Variants in DCDC2 observed in about 807,000 individuals in gnomAD.
The protein encoded by DCDC2 is doublecortin domain-containing protein 2.
Under a neutral mutation model 50.2 loss-of-function variants are expected in DCDC2, and 40 were observed. The ratio of observed to expected loss-of-function variants is 0.80; its 90% CI spans 0.62 to 1.04. The LOEUF (loss-of-function observed/expected upper bound fraction) is 1.04, where lower values mean the gene tolerates loss of function less well. Among genes scored for constraint, DCDC2 ranks in the 50% least tolerant of loss-of-function variants. The pLI is 0.00. For synonymous variants in DCDC2, 234 were observed against 210.6 expected (o/e 1.11, Z -0.96); for missense variants, 570 against 581.9 (o/e 0.98, Z 0.21).
rs1033895804 is a variant in DCDC2 at position 24,174,429 on chromosome 6, G to C, written c.*301C>G. Reference sequence around the variant, plus strand: ...AAACTTATAATAAAGCGTACAATAAGAGTGATCCTATTTTTCATCCTTTAC... The same window carrying C: ...AAACTTATAATAAAGCGTACAATAACAGTGATCCTATTTTTCATCCTTTAC... On this transcript the variant is annotated 3_prime_UTR_variant, in exon 10 of 10. Coordinates refer to ENST00000378454, the MANE Select transcript of DCDC2 (RefSeq NM_016356.5). 9 of 201,512 alleles carry C rather than the reference G, an allele frequency of 4.5e-5. No individual in the cohort carries two copies. The Admixed American group carries it at 4.5e-4, about 10-fold the overall frequency. 12.5% of individuals were successfully genotyped at this position (201,512 alleles called of 1,614,324 possible). A position where few individuals can be genotyped will look rare whatever the true frequency, so the allele number is the denominator to read the frequency against.
At chr6:24,327,394 T>C (rs1383502921) in intron 2 of DCDC2, among the ~76,000 whole-genome samples, 5 of 149,570 alleles carry the variant, frequency 3.3e-5, no homozygotes, top group Non-Finnish European at 5.9e-5. Context: ...TGTCTGCATT[T>C]CATATATATA....
chr6:24,204,512 A>G lies in DCDC2; in HGVS notation c.1023+490T>C, dbSNP rs147034049. On this transcript the variant is annotated intron_variant, in intron 8 of 9. Coordinates refer to ENST00000378454, the MANE Select transcript of DCDC2 (RefSeq NM_016356.5). ...GGGTTTGGGGAGCTAGGGGAGGGAC[A>G]GCATTAGGAGAAATGCCTAATGTAA... 1.8e-3 allele frequency among the ~76,000 whole-genome samples: 276 copies of G among 152,302 alleles called. 1 individual carries two copies. The highest frequency in any genetic ancestry group is 5.4e-3 in the Admixed American group (82 of 15,290).
At chr6:24,381,803 A>AAAGGACGGAAGGAAGG in the DCDC2 span, among the ~76,000 whole-genome samples, 1 of 67,262 alleles carries the variant, frequency 1.5e-5, no homozygotes, top group East Asian at 5.1e-4. Context: ...GGAAGGAAAG[A>AAAGGACGGAAGGAAGG]AAGGAAGGAA....
chr6:24,213,854 C>A (rs1761926309), intron 7 of DCDC2, among the ~76,000 whole-genome samples: 1 of 152,066 alleles, frequency 6.6e-6, no homozygotes, highest in African/African-American at 2.4e-5. Context: ...CTTTGCATCA[C>A]CTTTCTGGAT....
chr6:24,192,140 C>T (rs866069847), intron 8 of DCDC2, among the ~76,000 whole-genome samples: 12 of 152,226 alleles, frequency 7.9e-5, no homozygotes, highest in Middle Eastern at 3.4e-3. Context: ...CTTAGGGAAA[C>T]GACTCAAGTA....
chr6:24,358,915 T>TATATTATATATTATATATATA (rs1561788529), upstream of DCDC2, among the ~76,000 whole-genome samples: 3 of 15,466 alleles, frequency 1.9e-4, no homozygotes, highest in African/African-American at 1.8e-3. Context: ...TTATATATTA[T>TATATTATATATTATATATATA]ATATATTATA....
At chr6:24,181,636 C>G (rs1196486171) in intron 8 of DCDC2, among the ~76,000 whole-genome samples, 1 of 152,098 alleles carries the variant, frequency 6.6e-6, no homozygotes, top group African/African-American at 2.4e-5. Context: ...AGGTGAAAGA[C>G]TTGTGCAATG....
intron 7 of DCDC2, among the ~76,000 whole-genome samples, chr6:24,230,103 A>T (rs546721060): frequency 2.6e-5 from 4 of 152,348 alleles, no homozygotes; most frequent in East Asian, 1.9e-4. Context: ...TAAAGTTTTT[A>T]AAAATCTTAT....
At chr6:24,350,281 C>T (rs573089507) in intron 2 of DCDC2, among the ~76,000 whole-genome samples, 4 of 152,220 alleles carry the variant, frequency 2.6e-5, no homozygotes, top group East Asian at 3.9e-4. Flanking sequence ...TTATTAACTA[C>T]GTAAAAGCAA....
intron 7 of DCDC2, among the ~76,000 whole-genome samples, chr6:24,237,330 T>C (rs1190877288): frequency 6.6e-6 from 1 of 152,208 alleles, no homozygotes; most frequent in Non-Finnish European, 1.5e-5. Context: ...TTGGTTTACC[T>C]ACATAACAAA....
chr6:24,301,677 T>C (rs1047184909), intron 4 of DCDC2, 38 bp downstream of exon 4: 1 of 1,606,986 alleles, frequency 6.2e-7, no homozygotes, highest in Non-Finnish European at 8.5e-7. Flanking sequence ...CTTCAACAAT[T>C]CAAAAACTCC....
intron 7 of DCDC2, among the ~76,000 whole-genome samples, chr6:24,262,660 C>T (rs1763036478): frequency 6.6e-6 from 1 of 152,224 alleles, no homozygotes; most frequent in Non-Finnish European, 1.5e-5. Context: ...GCAACTTGTA[C>T]ACCAGCTCAG....
At chr6:24,201,462 A>C (rs553953520) in intron 8 of DCDC2, among the ~76,000 whole-genome samples, 4 of 152,328 alleles carry the variant, frequency 2.6e-5, no homozygotes, top group Admixed American at 6.5e-5. Flanking sequence ...AATGAGAACA[A>C]ACACACAATG....
intron 7 of DCDC2, among the ~76,000 whole-genome samples, chr6:24,255,112 T>G (rs1461968108): frequency 6.6e-6 from 1 of 152,046 alleles, no homozygotes; most frequent in African/African-American, 2.4e-5. Flanking sequence ...AGTACAAAGA[T>G]AGACAACAGA....
At chr6:24,277,983 G>C in intron 7 of DCDC2, 66 bp downstream of exon 7, 1 of 1,320,638 alleles carries the variant, frequency 7.6e-7, no homozygotes, top group Non-Finnish European at 1.0e-6. Flanking sequence ...TGGGCCCAGA[G>C]AAACAATGGA....
chr6:24,302,158 T>A (rs1759390848), intron 2 of DCDC2, 114 bp from the exon 3 acceptor site: 1 of 871,726 alleles, frequency 1.1e-6, no homozygotes, highest in Non-Finnish European at 1.7e-6. Flanking sequence ...TGTGCCTTTG[T>A]TAAAACCTTG....
At chr6:24,272,009 G>C (rs1763250434) in intron 7 of DCDC2, among the ~76,000 whole-genome samples, 1 of 152,092 alleles carries the variant, frequency 6.6e-6, no homozygotes, top group Non-Finnish European at 1.5e-5. Flanking sequence ...CCCTATATCA[G>C]CTATGAAAGA....
At chr6:24,321,276 A>T (rs113942824) in intron 2 of DCDC2, among the ~76,000 whole-genome samples, 1,734 of 152,282 alleles carry the variant, frequency 0.011, 35 homozygotes, top group African/African-American at 0.039. Flanking sequence ...AATGGATGCT[A>T]AAATTTGTGG....
intron 2 of DCDC2, among the ~76,000 whole-genome samples, chr6:24,327,421 A>G (rs1759889106): frequency 1.3e-5 from 2 of 148,506 alleles, no homozygotes; most frequent in African/African-American, 4.9e-5. Flanking sequence ...TTTCATGGCA[A>G]CAGTCCACTT....
Sources: gnomAD v4.1 joint callset for allele counts (sites outside exome capture counted in the v4.1 genomes callset) on GRCh38, gnomAD v4.1.1 for gene constraint, MANE v1.5 for transcripts, NCBI Gene and HGNC (gene_info 2026-07-23, HGNC 2026-07-21) for gene names.